HMBOX1: variants seen among roughly 807,000 people sequenced by gnomAD.
HMBOX1 encodes the protein homeobox-containing protein 1.
Under a neutral mutation model 54.5 loss-of-function variants are expected in HMBOX1, and 14 were observed. That is an observed-to-expected ratio of 0.26 (90% confidence interval 0.17 to 0.40). The LOEUF (loss-of-function observed/expected upper bound fraction) is 0.40. HMBOX1 is among the 10% of genes least tolerant of loss of function. The pLI, the probability that HMBOX1 is intolerant of heterozygous loss-of-function variation, is 1.00. For missense variants in HMBOX1, 332 were observed against 514.4 expected (o/e 0.65, Z 3.43); for synonymous variants, 160 against 181.0 (o/e 0.88, Z 0.93).
chr8:28,991,760 T>C (rs772594649), intron 4 of HMBOX1, among the ~76,000 whole-genome samples: 2 of 152,242 alleles, frequency 1.3e-5, no homozygotes, highest in African/African-American at 2.4e-5. Flanking sequence ...TGTAGGACAG[T>C]CTTCAGCTTT....
chr8:28,970,893 T>G lies in HMBOX1; in HGVS notation c.500+374T>G, dbSNP rs1033772534. ...GGATAATTTTATCTTGATCAGAATA[T>G]GTACACTCTTAATTTTTCTGTTCAA... On this transcript the variant is annotated intron_variant, in intron 3 of 9. Coordinates refer to ENST00000287701, the MANE Select transcript of HMBOX1 (RefSeq NM_001135726.3). The surrounding 1 kb of genome is among the most constrained non-coding windows in gnomAD (Gnocchi z 4.3). Among the ~76,000 whole-genome samples, 1 of 151,774 alleles carries G rather than the reference T, an allele frequency of 6.6e-6. No individual in the cohort carries two copies. Among genetic ancestry groups the G allele is most frequent in the Non-Finnish European group, 1.5e-5 (1 of 67,982 alleles).
At chr8:28,907,117 C>T (rs960966928) in intron 1 of HMBOX1, among the ~76,000 whole-genome samples, 2 of 152,090 alleles carry the variant, frequency 1.3e-5, no homozygotes, top group African/African-American at 2.4e-5. Context: ...CCAAATGAAT[C>T]GTCTATATAG....
chr8:29,048,246 A>G (rs1193550510), intron 8 of HMBOX1, among the ~76,000 whole-genome samples: 1 of 152,246 alleles, frequency 6.6e-6, no homozygotes, highest in Non-Finnish European at 1.5e-5. Context: ...TTCTTGATGT[A>G]ATCATTTATG....
chr8:28,960,794 T>G lies in HMBOX1; in HGVS notation c.-57-3017T>G, dbSNP rs56735721. On this transcript the variant is annotated intron_variant, in intron 1 of 9. Coordinates refer to ENST00000287701, the MANE Select transcript of HMBOX1 (RefSeq NM_001135726.3). Reference sequence around the variant, plus strand: ...TTTTTTTTTTTTTTTTTTTTTTTTTTTTTTTTTTTTGGAGACGGAGTCTTG... The same window carrying G: ...TTTTTTTTTTTTTTTTTTTTTTTTTGTTTTTTTTTTGGAGACGGAGTCTTG... Among the ~76,000 whole-genome samples the G allele has an allele frequency of 8.6e-3, 724 of 84,666 alleles. 22 individuals carry two copies. Among genetic ancestry groups the G allele is most frequent in the East Asian group, 0.072 (197 of 2,728 alleles). The allele number at this position is 84,666 out of a possible 152,430, so 55.5% of individuals were successfully genotyped here.
intron 1 of HMBOX1, among the ~76,000 whole-genome samples, chr8:28,901,453 C>A (rs1196239307): frequency 6.6e-6 from 1 of 152,108 alleles, no homozygotes; most frequent in Non-Finnish European, 1.5e-5. Context: ...TCTCCCTCCT[C>A]CTCTCACCTA....
intron 1 of HMBOX1, among the ~76,000 whole-genome samples, chr8:28,948,020 T>C (rs1822787774): frequency 6.6e-6 from 1 of 152,220 alleles, no homozygotes. Flanking sequence ...TCTCCTGGGC[T>C]CAAGTGATCT....
intron 1 of HMBOX1, among the ~76,000 whole-genome samples, chr8:28,923,363 G>A (rs984840633): frequency 6.6e-6 from 1 of 152,180 alleles, no homozygotes; most frequent in Non-Finnish European, 1.5e-5. Flanking sequence ...AATTTCTGCA[G>A]TTGAATAATG....
intron 2 of HMBOX1, among the ~76,000 whole-genome samples, chr8:28,969,747 T>C (rs1269785612): frequency 6.6e-6 from 1 of 152,224 alleles, no homozygotes; most frequent in Non-Finnish European, 1.5e-5. Context: ...AATCTATTGT[T>C]CTGGTATTAT....
chr8:29,033,965 A>G (rs1803430017), intron 6 of HMBOX1, among the ~76,000 whole-genome samples: 2 of 152,226 alleles, frequency 1.3e-5, no homozygotes, highest in South Asian at 4.1e-4. Flanking sequence ...ACTCAAGCAA[A>G]TATTTATTGA....
chr8:28,926,839 T>C (rs763910274), intron 1 of HMBOX1, among the ~76,000 whole-genome samples: 16 of 152,192 alleles, frequency 1.1e-4, no homozygotes, highest in East Asian at 5.8e-4. Context: ...GCCACCACAC[T>C]TGGCCTGTAA....
At chr8:28,948,829 A>G (rs575443671) in intron 1 of HMBOX1, among the ~76,000 whole-genome samples, 3 of 152,258 alleles carry the variant, frequency 2.0e-5, no homozygotes, top group South Asian at 4.1e-4. Context: ...CTCCAATTCT[A>G]TAATATTTCC....
Position 28,988,756 on chromosome 8 carries a change from T to G in HMBOX1, c.586+8600T>G, listed in dbSNP as rs943426555. On this transcript the variant is annotated intron_variant, in intron 4 of 9. Coordinates refer to ENST00000287701, the MANE Select transcript of HMBOX1 (RefSeq NM_001135726.3). ...TGGGTGACATGTCTGTCAAATCTTTTGTCTATTTTTTTTAATCAGGTTGTT... is the reference window on the plus strand; with the variant it reads ...TGGGTGACATGTCTGTCAAATCTTTGGTCTATTTTTTTTAATCAGGTTGTT... Among the ~76,000 whole-genome samples, 9 of 152,348 alleles carry G rather than the reference T, an allele frequency of 5.9e-5. 1 individual carries two copies. The South Asian group carries it at 1.4e-3, about 25-fold the overall frequency.
intron 1 of HMBOX1, among the ~76,000 whole-genome samples, chr8:28,902,292 A>G (rs1039506965): frequency 1.3e-5 from 2 of 152,156 alleles, no homozygotes; most frequent in Non-Finnish European, 2.9e-5. Flanking sequence ...ACAGCAATCT[A>G]TCTAGTACTG....
chr8:28,910,514 T>TA (rs1393460437), intron 1 of HMBOX1, among the ~76,000 whole-genome samples: 1 of 152,242 alleles, frequency 6.6e-6, no homozygotes, highest in Non-Finnish European at 1.5e-5. Context: ...AGCAATGTAT[T>TA]AGAGTCGCAG....
At chr8:29,042,936 T>C (rs1226409273) in intron 6 of HMBOX1, among the ~76,000 whole-genome samples, 1 of 152,174 alleles carries the variant, frequency 6.6e-6, no homozygotes, top group Non-Finnish European at 1.5e-5. Flanking sequence ...AGAGGAGGCA[T>C]AGGTAAATAC....
rs1341907529 is a variant in HMBOX1 at position 28,963,831 on chromosome 8, A to G, written c.-37A>G. 6.4e-7 allele frequency: 1 copy of G among 1,558,122 alleles called. No individual in the cohort carries two copies. Among genetic ancestry groups the G allele is most frequent in the Non-Finnish European group, 8.8e-7 (1 of 1,139,104 alleles). Reference sequence around the variant, plus strand: ...TACAGAATGGTAGATAACGCAGATCATCTCTGGAAAGGATATTGATCCGCC... The same window carrying G: ...TACAGAATGGTAGATAACGCAGATCGTCTCTGGAAAGGATATTGATCCGCC... On this transcript the variant is annotated 5_prime_UTR_variant, in exon 2 of 10. Coordinates refer to ENST00000287701, the MANE Select transcript of HMBOX1 (RefSeq NM_001135726.3).
At chr8:28,969,936 A>G (rs1563491676) in intron 2 of HMBOX1, 107 bp from the exon 3 acceptor site, 4 of 728,298 alleles carry the variant, frequency 5.5e-6, no homozygotes, top group Non-Finnish European at 9.2e-6. Flanking sequence ...TTCATTTTCA[A>G]TACAGAAGCT....
chr8:29,034,099 T>G (rs1208335517), intron 6 of HMBOX1, among the ~76,000 whole-genome samples: 1 of 152,216 alleles, frequency 6.6e-6, no homozygotes, highest in Non-Finnish European at 1.5e-5. Context: ...ATTCACAACA[T>G]GTACAGAGGC....
rs748666081 is a variant in HMBOX1, at chr8:29,018,839, C to A, written c.777C>A (p.Ala259=). ...GACAAACGCCTCCCCCAGTCTCTGC[C>A]ACATCTGGTACTTTCCGACTGCGAC... ...EWRQTPPPVS[A]TSGTFRLRRG... is the part of the protein sequence containing the mutation. Residue 259 remains alanine, a synonymous_variant, in exon 6 of 10, where the codon GCC becomes GCA. Coordinates refer to ENST00000287701, the MANE Select transcript of HMBOX1 (RefSeq NM_001135726.3). The A allele has an allele frequency of 2.5e-6, 4 of 1,614,118 alleles. No homozygotes were observed. Among genetic ancestry groups the A allele is most frequent in the Non-Finnish European group, 3.4e-6 (4 of 1,179,950 alleles).
Sources: gnomAD v4.1 joint callset for allele counts (sites outside exome capture counted in the v4.1 genomes callset) on GRCh38, gnomAD v4.1.1 for gene constraint, Gnocchi (gnomAD v3.1) non-coding constraint, MANE v1.5 for transcripts, NCBI Gene and HGNC (gene_info 2026-07-23, HGNC 2026-07-21) for gene names.